The following TMEM82 variants were observed in gnomAD, a reference collection of about 807,000 sequenced individuals.
The protein encoded by TMEM82 is transmembrane protein 82.
Under a neutral mutation model 29.2 loss-of-function variants are expected in TMEM82, and 30 were observed. That is an observed-to-expected ratio of 1.03 (90% CI 0.77 to 1.39). The LOEUF (loss-of-function observed/expected upper bound fraction) is 1.39, where lower values mean the gene tolerates loss of function less well. Ranked by LOEUF, TMEM82 falls within the 40% of genes most tolerant of loss-of-function variation. The probability of loss-of-function intolerance (pLI) is 0.00; values close to 1 mark genes in which losing one functional copy is unlikely to be tolerated. For synonymous variants in TMEM82, 221 were observed against 225.4 expected, an observed-to-expected ratio of 0.98 and a Z score of 0.18; for missense variants, 442 against 447.7, an observed-to-expected ratio of 0.99 and a Z score of 0.12.
intron 3 of TMEM82, among the ~76,000 whole-genome samples, chr1:15,743,834 G>A (rs1046647207): frequency 7.9e-5 from 12 of 152,024 alleles, no homozygotes; most frequent in Non-Finnish European, 8.8e-5. Flanking sequence ...GCATGGTGGC[G>A]GGTGCCTGTA....
intron 1 of TMEM82, 37 bp downstream of exon 1, chr1:15,742,684 C>T (rs555635697): frequency 1.9e-6 from 3 of 1,586,586 alleles, no homozygotes; most frequent in Non-Finnish European, 2.6e-6. Flanking sequence ...TGGCCCCGCC[C>T]CCTTCCAGCT....
At chr1:15,746,719 C>T in intron 4 of TMEM82, 148 bp from the exon 5 acceptor site, 6 of 677,364 alleles carry the variant, frequency 8.9e-6, no homozygotes, top group South Asian at 1.9e-5. Context: ...CCTGCAGATA[C>T]TCGGAGCAGG....
chr1:15,747,011 G>A lies in TMEM82; in HGVS notation c.902G>A (p.Cys301Tyr). 1 of 1,612,090 alleles carries A rather than the reference G, an allele frequency of 6.2e-7. No homozygotes were observed. The highest frequency in any genetic ancestry group is 8.5e-7 in the Non-Finnish European group (1 of 1,179,896). The change falls in exon 5 of 6, where the codon TGT becomes TAT. Residue 301 changes from cysteine to tyrosine, a missense_variant. Physicochemically the swap from Cys to Tyr is radical, Grantham distance 194. Coordinates refer to ENST00000375782, the MANE Select transcript of TMEM82 (RefSeq NM_001013641.3). ...GTCTCCCTACTGGGCGAGCTCTGGT[G>A]TCTCGTGGGCGTCCGCACCCTGCTT... ...ILVSLLGELW[C>Y]LVGVRTLLDL...
chr1:15,744,480 T>G lies in TMEM82; in HGVS notation c.657T>G (p.Ala219=). Residue 219 remains alanine, a synonymous_variant, in exon 4 of 6, where the codon GCT becomes GCG. Transcript: ENST00000375782. This position sits in a 1 kb window ranked among gnomAD's most constrained non-coding sequence, Gnocchi z 5.2. ...AIAFAVGDLA[A]VALINQDFLT... is the part of the protein sequence containing the mutation. Reference sequence around the variant, plus strand: ...CCTTTGCCGTGGGTGACCTGGCAGCTGTGGCCCTCATCAACCAGGACTTCC... The same window carrying G: ...CCTTTGCCGTGGGTGACCTGGCAGCGGTGGCCCTCATCAACCAGGACTTCC... 6.2e-7 allele frequency: 1 copy of G among 1,611,318 alleles called. No homozygotes were observed. Among genetic ancestry groups the G allele is most frequent in the Non-Finnish European group, 8.5e-7 (1 of 1,179,410 alleles).
Position 15,742,844 on chromosome 1 carries a change from G to C in TMEM82, c.98G>C (p.Gly33Ala). The change falls in exon 2 of 6, where the codon GGG becomes GCG. Residue 33 changes from glycine (G) to alanine (A), a missense_variant. Transcript: ENST00000375782. ...LLDSLLQGLI[G>A]ALGVLVLNSL... Reference sequence around the variant, plus strand: ...CCTCCCGCCCCCTCAGGCCTGATCGGGGCCCTTGGAGTCTTGGTCCTGAAC... The same window carrying C: ...CCTCCCGCCCCCTCAGGCCTGATCGCGGCCCTTGGAGTCTTGGTCCTGAAC... 5 of 1,612,644 alleles carry C rather than the reference G, an allele frequency of 3.1e-6. No homozygotes were observed. The highest frequency in any genetic ancestry group is 1.6e-4 in the Middle Eastern group (1 of 6,062).
chr1:15,743,719 C>T (rs376083365), intron 3 of TMEM82, among the ~76,000 whole-genome samples: 2 of 151,930 alleles, frequency 1.3e-5, no homozygotes, highest in African/African-American at 2.4e-5. Context: ...TTTGGGAGGC[C>T]GAGGCAGGCG....
chr1:15,742,903 G>A lies in TMEM82; in HGVS notation c.157G>A (p.Ala53Thr). The A allele has an allele frequency of 6.2e-7, 1 of 1,612,818 alleles. No homozygotes were observed. Among genetic ancestry groups the A allele is most frequent in the Non-Finnish European group, 8.5e-7 (1 of 1,179,952 alleles). ...GAAAGTTTACTTCTTCGTGGGCTGT[G>A]CCAAGTGAGTGCCCACCTCATCCCC... ...LLKVYFFVGC[A>T]NDPQRRPEKE... The change falls in exon 2 of 6, where the codon GCC becomes ACC. Residue 53 changes from alanine (A) to threonine (T), a missense_variant. Transcript: ENST00000375782.
Position 15,743,208 on chromosome 1 carries a change from G to A in TMEM82, c.336+14G>A. 1 of 1,600,770 alleles carries A rather than the reference G, an allele frequency of 6.2e-7. No homozygotes were observed. Among genetic ancestry groups the A allele is most frequent in the Non-Finnish European group, 8.5e-7 (1 of 1,178,278 alleles). Reference sequence around the variant, plus strand: ...TCCCTGGGCAAGGTGAGGCCTCCGGGAAGGCAGTGGGTGGATCACTCCCCA... The same window carrying A: ...TCCCTGGGCAAGGTGAGGCCTCCGGAAAGGCAGTGGGTGGATCACTCCCCA... On this transcript the variant is annotated intron_variant, in intron 3 of 5. Coordinates refer to ENST00000375782, the MANE Select transcript of TMEM82 (RefSeq NM_001013641.3).
rs1419384250 is a variant in TMEM82 at position 15,742,592 on chromosome 1, C to T, written c.33C>T (p.Leu11=). The T allele has an allele frequency of 6.2e-7, 1 of 1,602,020 alleles. No homozygotes were observed. The highest frequency in any genetic ancestry group is 8.5e-7 in the Non-Finnish European group (1 of 1,175,308). MFSLPSLPSW[L]PGLPSLEWGS... is the part of the protein sequence containing the mutation. The stretch of plus-strand genomic sequence containing the variant: ...CTCTTCCATCCCTCCCCTCCTGGCT[C>T]CCCGGCCTCCCCTCCCTCGAGTGGG... The change falls in exon 1 of 6, where the codon CTC becomes CTT. Residue 11 remains leucine, a synonymous_variant. Transcript: ENST00000375782.
At chr1:15,747,303 A>G (rs1336086945) in intron 5 of TMEM82, among the ~76,000 whole-genome samples, 1 of 151,632 alleles carries the variant, frequency 6.6e-6, no homozygotes, top group Non-Finnish European at 1.5e-5. Flanking sequence ...AAAAAAAAAA[A>G]AGACAGAGCC....
In TMEM82 at chr1:15,744,429, G is replaced by T. The variant is rs1297824920; in HGVS notation, c.606G>T (p.Gln202His). 4 of 1,595,016 alleles carry T rather than the reference G, an allele frequency of 2.5e-6. No individual in the cohort carries two copies. The East Asian group carries it at 6.8e-5, about 27-fold the overall frequency. ...TGGCCCATGCACATGGCCTCCCCCA[G>T]CTGCTGGGCCGTGCCCTGGCCATAG... ...GLLAHAHGLP[Q>H]LLGRALAIAF... is the part of the protein sequence containing the mutation. The change falls in exon 4 of 6, where the codon CAG (glutamine) becomes CAT (histidine). Residue 202 changes from glutamine to histidine, a missense_variant. Coordinates refer to ENST00000375782, the MANE Select transcript of TMEM82 (RefSeq NM_001013641.3). The surrounding 1 kb of genome is among the most constrained non-coding windows in gnomAD (Gnocchi z 5.2).
rs144750129 is a variant in TMEM82 at position 15,742,583 on chromosome 1, C to T, written c.24C>T (p.Pro8=). The T allele has an allele frequency of 4.2e-5, 67 of 1,598,548 alleles. No homozygotes were observed. The highest frequency in any genetic ancestry group is 5.1e-5 in the Non-Finnish European group (60 of 1,173,506). The change falls in exon 1 of 6, where the codon CCC becomes CCT. Residue 8 remains proline (P), a synonymous_variant. Transcript: ENST00000375782. MFSLPSL[P]SWLPGLPSLE... ...CCATGTTCTCTCTTCCATCCCTCCC[C>T]TCCTGGCTCCCCGGCCTCCCCTCCC...
chr1:15,747,022 G>A lies in TMEM82; in HGVS notation c.913G>A (p.Val305Ile), dbSNP rs749109111. Residue 305 changes from valine to isoleucine, a missense_variant, in exon 5 of 6, where the codon GTC becomes ATC. By Grantham distance (29) the Val-to-Ile change is conservative (BLOSUM62 3). Coordinates refer to ENST00000375782, the MANE Select transcript of TMEM82 (RefSeq NM_001013641.3). ...GGGCGAGCTCTGGTGTCTCGTGGGCGTCCGCACCCTGCTTGACCTCTGCCA... is the reference window on the plus strand; with the variant it reads ...GGGCGAGCTCTGGTGTCTCGTGGGCATCCGCACCCTGCTTGACCTCTGCCA... ...LLGELWCLVG[V>I]RTLLDLCQIQ... 1.6e-5 allele frequency: 25 copies of A among 1,609,868 alleles called. No individual in the cohort carries two copies. Among genetic ancestry groups the A allele is most frequent in the South Asian group, 7.7e-5 (7 of 91,006 alleles).
In TMEM82 at chr1:15,742,519, C is replaced by T. The variant is rs746775559; in HGVS notation, c.-41C>T. 1.5e-5 allele frequency: 23 copies of T among 1,509,228 alleles called. No individual in the cohort carries two copies. The highest frequency in any genetic ancestry group is 7.8e-5 in the Admixed American group (4 of 51,384). The allele number at this position is 1,509,228 out of a possible 1,614,324, so 93.5% of individuals were successfully genotyped here. Reference sequence around the variant, plus strand: ...GCCCAGTGACGTTGGTCTGTCCTTACGCAGACCTGGCCGGAGGCTGGGGCT... The same window carrying T: ...GCCCAGTGACGTTGGTCTGTCCTTATGCAGACCTGGCCGGAGGCTGGGGCT... On this transcript the variant is annotated 5_prime_UTR_variant, in exon 1 of 6. It adds an upstream start codon to the 5' untranslated region. Transcript: ENST00000375782.
chr1:15,744,601 TC>T lies in TMEM82; in HGVS notation c.757+23del, dbSNP rs1206985122. 3 of 1,577,914 alleles carry T rather than the reference TC, an allele frequency of 1.9e-6. No individual in the cohort carries two copies. The Admixed American group carries it at 5.3e-5, about 28-fold the overall frequency. ...GCAGGGTGAGCGCTGCGGGGCCTGCTCCATTCAATCCACGCACATCCCTCTG... is the reference window on the plus strand; with the variant it reads ...GCAGGGTGAGCGCTGCGGGGCCTGCTCATTCAATCCACGCACATCCCTCTG... On this transcript the variant is annotated intron_variant, in intron 4 of 5. Transcript: ENST00000375782. This position sits in a 1 kb window ranked among gnomAD's most constrained non-coding sequence, Gnocchi z 5.2.
chr1:15,746,758 G>A, intron 4 of TMEM82, 109 bp from the exon 5 acceptor site: 1 of 880,416 alleles, frequency 1.1e-6, no homozygotes, highest in Non-Finnish European at 1.7e-6. Context: ...GTGATGGGAG[G>A]AGGGCTGCAC....
At position 15,744,528 on chromosome 1, in the gene TMEM82, GT is replaced by G. The variant is rs781670200; in HGVS notation, c.707del (p.Phe236SerfsTer45). 1.8e-5 allele frequency: 29 copies of G among 1,612,334 alleles called. No homozygotes were observed. The highest frequency in any genetic ancestry group is 2.2e-5 in the Non-Finnish European group (26 of 1,179,830). ...DFLTTSEAMR[F>X]WTPLTICYTL... The stretch of plus-strand genomic sequence containing the variant: ...TCCTGACCACCTCGGAGGCCATGCG[GT>G]TCTGGACACCGCTCACCATCTGCTA... On this transcript the variant is annotated frameshift_variant, in exon 4 of 6. Coordinates refer to ENST00000375782, the MANE Select transcript of TMEM82 (RefSeq NM_001013641.3). LOFTEE classifies it high-confidence loss of function. This position sits in a 1 kb window ranked among gnomAD's most constrained non-coding sequence, Gnocchi z 5.2.
At position 15,742,518 on chromosome 1, in the gene TMEM82, A is replaced by C. The variant is rs370047079; in HGVS notation, c.-42A>C. On this transcript the variant is annotated 5_prime_UTR_variant, in exon 1 of 6. Coordinates refer to ENST00000375782, the MANE Select transcript of TMEM82 (RefSeq NM_001013641.3). Reference sequence around the variant, plus strand: ...TGCCCAGTGACGTTGGTCTGTCCTTACGCAGACCTGGCCGGAGGCTGGGGC... The same window carrying C: ...TGCCCAGTGACGTTGGTCTGTCCTTCCGCAGACCTGGCCGGAGGCTGGGGC... 6.7e-7 allele frequency: 1 copy of C among 1,496,158 alleles called. No individual in the cohort carries two copies. Among genetic ancestry groups the C allele is most frequent in the African/African-American group, 1.4e-5 (1 of 70,024 alleles). 92.7% of individuals were successfully genotyped at this position (1,496,158 alleles called of 1,614,324 possible).
At chr1:15,742,757 C>G in intron 1 of TMEM82, 78 bp from the exon 2 acceptor site, 1 of 1,532,986 alleles carries the variant, frequency 6.5e-7, no homozygotes, top group South Asian at 1.1e-5. Flanking sequence ...CTTGGCCGCC[C>G]CCTCTGACCC....
Sources: gnomAD v4.1 joint callset for allele counts (sites outside exome capture counted in the v4.1 genomes callset) on GRCh38, gnomAD v4.1.1 for gene constraint, Gnocchi (gnomAD v3.1) non-coding constraint, MANE v1.5 for transcripts, NCBI Gene and HGNC (gene_info 2026-07-23, HGNC 2026-07-21) for gene names.